Variants in AK2 observed in about 807,000 individuals in gnomAD.
AK2 encodes adenylate kinase 2.
Under a neutral mutation model 24.6 loss-of-function variants are expected in AK2, and 15 were observed. The observed-to-expected ratio is 0.61, with a 90% CI of 0.41 to 0.94. The LOEUF (loss-of-function observed/expected upper bound fraction) is 0.94. Ranked by LOEUF, AK2 falls within the 40% of genes least tolerant of loss-of-function variation. The pLI is 0.00. For synonymous variants in AK2, 102 were observed against 114.0 expected (o/e 0.90, Z 0.67); for missense variants, 257 against 304.1 (o/e 0.85, Z 1.15).
intron 1 of AK2, chr1:33,029,100 A>G (rs1318931244): frequency 1.3e-5 from 2 of 152,266 alleles, no homozygotes; most frequent in Non-Finnish European, 2.9e-5. Context: ...AAGATTACGT[A>G]TGCAAAGACA....
chr1:33,035,804 T>A (rs1328317038), intron 1 of AK2, among the ~76,000 whole-genome samples: 1 of 152,116 alleles, frequency 6.6e-6, no homozygotes, highest in East Asian at 1.9e-4. Flanking sequence ...TGAAACTCAT[T>A]TCACTAATTT....
At chr1:33,032,639 A>G (rs1400835598) in intron 1 of AK2, among the ~76,000 whole-genome samples, 1 of 152,220 alleles carries the variant, frequency 6.6e-6, no homozygotes, top group East Asian at 1.9e-4. Context: ...GCATGACTAT[A>G]AACACCAGAG....
intron 4 of AK2, among the ~76,000 whole-genome samples, chr1:33,020,762 T>C (rs147748923): frequency 3.0e-4 from 45 of 152,098 alleles, no homozygotes; most frequent in Admixed American, 7.2e-4. Context: ...GGAGAATTAC[T>C]TGAACCGGGG....
chr1:33,036,523 A>T (rs998391777), intron 1 of AK2, among the ~76,000 whole-genome samples: 1 of 152,048 alleles, frequency 6.6e-6, no homozygotes, highest in Non-Finnish European at 1.5e-5. Context: ...TCAACACTGA[A>T]TCCCTCGGGC....
In AK2 at chr1:33,012,596, T is replaced by G; in HGVS notation, c.*585A>C. The stretch of plus-strand genomic sequence containing the variant: ...TCAAAAAATAAAATCAAAAGTATGG[T>G]TAAAGAAGTAAACAGCTGGGCTGGG... On this transcript the variant is annotated 3_prime_UTR_variant, in exon 6 of 6. Transcript: ENST00000672715. 1 of 1,292,114 alleles carries G rather than the reference T, an allele frequency of 7.7e-7. No homozygotes were observed. Among genetic ancestry groups the G allele is most frequent in the Non-Finnish European group, 1.0e-6 (1 of 992,256 alleles). The allele number at this position is 1,292,114 out of a possible 1,614,324, so 80.0% of individuals were successfully genotyped here.
intron 1 of AK2, among the ~76,000 whole-genome samples, chr1:33,035,770 A>G (rs1050695583): frequency 2.0e-5 from 3 of 152,144 alleles, no homozygotes; most frequent in Non-Finnish European, 2.9e-5. Flanking sequence ...CTCTAACTCC[A>G]TGGTTCCTGA....
At position 33,023,069 on chromosome 1, in the gene AK2, T is replaced by A. The variant is rs144087470; in HGVS notation, c.220-1366A>T. Among the ~76,000 whole-genome samples the A allele has an allele frequency of 2.0e-4, 31 of 152,192 alleles. No individual in the cohort carries two copies. In the East Asian group the frequency reaches 6.0e-3, roughly 29 times the overall value. ...AGCCTAACAGAAGGTAACTTGAGGA[T>A]TAAAGCAAAGTCCAGCTCCTTCCCC... On this transcript the variant is annotated intron_variant, in intron 2 of 5. Transcript: ENST00000672715.
At chr1:33,029,159 T>C (rs1204588082) in intron 1 of AK2, 1 of 152,244 alleles carries the variant, frequency 6.6e-6, no homozygotes, top group Non-Finnish European at 1.5e-5. Flanking sequence ...CTATCAGTCC[T>C]AGAGATTTGG....
At chr1:33,029,061 T>C (rs888119362) in intron 1 of AK2, among the ~76,000 whole-genome samples, 1 of 152,184 alleles carries the variant, frequency 6.6e-6, no homozygotes, top group African/African-American at 2.4e-5. Context: ...AAACAGTGTC[T>C]ATCTGCTGAA....
In AK2 at chr1:33,009,790, C is replaced by T. The variant is rs1418378084; in HGVS notation, c.*3391G>A. The stretch of plus-strand genomic sequence containing the variant: ...AGAGGTTGCAGGCTTATCTCATATG[C>T]ACATACTTGGACCTCCCTACCACAC... On this transcript the variant is annotated 3_prime_UTR_variant, in exon 6 of 6. Coordinates refer to ENST00000672715, the MANE Select transcript of AK2 (RefSeq NM_001625.4). 2 of 454,326 alleles carry T rather than the reference C, an allele frequency of 4.4e-6. No homozygotes were observed. The highest frequency in any genetic ancestry group is 6.9e-5 in the East Asian group (1 of 14,408). The allele number at this position is 454,326 out of a possible 1,614,324, so 28.1% of individuals were successfully genotyped here.
At chr1:33,027,762 A>G (rs1381924854) in intron 1 of AK2, among the ~76,000 whole-genome samples, 1 of 152,054 alleles carries the variant, frequency 6.6e-6, no homozygotes, top group South Asian at 2.1e-4. Flanking sequence ...AAAAAAAAAA[A>G]AAGAAAAAGA....
At chr1:33,025,001 A>G (rs1415135490) in intron 1 of AK2, among the ~76,000 whole-genome samples, 1 of 152,148 alleles carries the variant, frequency 6.6e-6, no homozygotes, top group Admixed American at 6.5e-5. Flanking sequence ...CCTGACCAAC[A>G]TGGGGAAACC....
rs1442654645 is a variant in AK2 at position 33,009,889 on chromosome 1, G to A, written c.*3292C>T. ...AATTCAATGTCATTTTTCTAGCTTA[G>A]ATTATCTAAAAAAAATGCCACAACA... On this transcript the variant is annotated 3_prime_UTR_variant, in exon 6 of 6. Coordinates refer to ENST00000672715, the MANE Select transcript of AK2 (RefSeq NM_001625.4). 11 of 453,722 alleles carry A rather than the reference G, an allele frequency of 2.4e-5. No individual in the cohort carries two copies. Among genetic ancestry groups the A allele is most frequent in the Non-Finnish European group, 4.4e-5 (10 of 226,654 alleles). 28.1% of individuals were successfully genotyped at this position (453,722 alleles called of 1,614,324 possible).
chr1:33,026,546 C>T (rs951700516), intron 1 of AK2, among the ~76,000 whole-genome samples: 1 of 152,356 alleles, frequency 6.6e-6, no homozygotes. Context: ...CAGTGGCTCA[C>T]GCCTGTAATC....
At chr1:33,031,588 AT>A (rs1640237727) in intron 1 of AK2, 1 of 455,974 alleles carries the variant, frequency 2.2e-6, no homozygotes, top group Admixed American at 2.4e-5. Flanking sequence ...CTTTGGAGTC[AT>A]TCAGATGCAA....
At position 33,009,455 on chromosome 1, in the gene AK2, T is replaced by A. The variant is rs935805675; in HGVS notation, c.*3726A>T. ...CTATGGACAAGTGTCCATTCAACAG[T>A]TATCCAGCCTGGCAGGAAGCAGATA... On this transcript the variant is annotated 3_prime_UTR_variant, in exon 6 of 6. Transcript: ENST00000672715. 1 of 454,128 alleles carries A rather than the reference T, an allele frequency of 2.2e-6. No homozygotes were observed. The highest frequency in any genetic ancestry group is 2.0e-5 in the African/African-American group (1 of 50,134). The allele number at this position is 454,128 out of a possible 1,614,324, so 28.1% of individuals were successfully genotyped here. A position where few individuals can be genotyped will look rare whatever the true frequency, so the allele number is the denominator to read the frequency against.
Position 33,025,402 on chromosome 1 carries a change from G to A in AK2, c.94-835C>T, listed in dbSNP as rs1639818315. Among the ~76,000 whole-genome samples the A allele has an allele frequency of 2.0e-5, 3 of 152,156 alleles. No homozygotes were observed. The South Asian group carries it at 6.2e-4, about 32-fold the overall frequency. ...GGCAACTAGGAGCAGTTTGCCCCCA[G>A]GCAGAACTGGGTTTTCCTCCTTCCC... On this transcript the variant is annotated intron_variant, in intron 1 of 5. Transcript: ENST00000672715.
In AK2 at chr1:33,011,307, T is replaced by C. The variant is rs1638804885; in HGVS notation, c.*1874A>G. 3.1e-6 allele frequency: 4 copies of C among 1,290,080 alleles called. No homozygotes were observed. The highest frequency in any genetic ancestry group is 4.0e-6 in the Non-Finnish European group (4 of 990,718). 79.9% of individuals were successfully genotyped at this position (1,290,080 alleles called of 1,614,324 possible). A position where few individuals can be genotyped will look rare whatever the true frequency, so the allele number is the denominator to read the frequency against. On this transcript the variant is annotated 3_prime_UTR_variant, in exon 6 of 6. Transcript: ENST00000672715. The stretch of plus-strand genomic sequence containing the variant: ...AGGCACACATAGCTGACAGTTTTTG[T>C]TTCACTCCTCTTCCTTGCCCATTCC...
chr1:33,031,705 A>G, intron 1 of AK2: 2 of 456,036 alleles, frequency 4.4e-6, no homozygotes, highest in South Asian at 3.1e-5. Flanking sequence ...AGATGTTGCA[A>G]GTATCACTGC....
Sources: allele counts gnomAD v4.1 joint callset (sites outside exome capture counted in the v4.1 genomes callset), GRCh38; gene constraint gnomAD v4.1.1; transcripts MANE v1.5; gene names NCBI Gene and HGNC (gene_info 2026-07-23, HGNC 2026-07-21).